Variants in RNF130 observed in about 807,000 individuals in gnomAD.
RNF130 encodes E3 ubiquitin-protein ligase RNF130.
A neutral mutation model predicts 44.6 loss-of-function variants in RNF130; 21 were observed. The observed-to-expected ratio is 0.47, with a 90% CI of 0.33 to 0.68. The LOEUF (loss-of-function observed/expected upper bound fraction) is 0.68. Ranked by LOEUF, RNF130 falls within the 30% of genes least tolerant of loss-of-function variation. The pLI is 0.02. For synonymous variants in RNF130, 214 were observed against 210.4 expected (o/e 1.02, Z -0.15); for missense variants, 479 against 560.6 (o/e 0.85, Z 1.47).
At chr5:179,990,600 C>T (rs1763058289) in intron 3 of RNF130, among the ~76,000 whole-genome samples, 3 of 152,174 alleles carry the variant, frequency 2.0e-5, no homozygotes, top group Admixed American at 1.3e-4. Context: ...GGGAGACTCC[C>T]TTTCCTGGTC....
At chr5:180,070,560 A>G (rs1765228413) in intron 1 of RNF130, among the ~76,000 whole-genome samples, 1 of 152,214 alleles carries the variant, frequency 6.6e-6, no homozygotes, top group South Asian at 2.1e-4. Context: ...AGTTTAGAAA[A>G]GAAAAATCCC....
rs1764176670 is a variant in RNF130, at chr5:180,033,389, T to C, written c.442+7064A>G. ...TAGGCTATTGAGAATGAACTCTTCT[T>C]AATTTCATTTTTGGAACGTTCATAG... On this transcript the variant is annotated intron_variant, in intron 2 of 8. Transcript: ENST00000521389. Among the ~76,000 whole-genome samples the C allele has an allele frequency of 2.6e-5, 4 of 152,250 alleles. No individual in the cohort carries two copies. In the South Asian group the frequency reaches 8.3e-4, roughly 31 times the overall value.
chr5:179,971,216 G>A (rs910534699), intron 5 of RNF130, among the ~76,000 whole-genome samples: 1 of 152,168 alleles, frequency 6.6e-6, no homozygotes, highest in African/African-American at 2.4e-5. Flanking sequence ...CGGAAGAGCT[G>A]CAGAAATTAC....
intron 3 of RNF130, among the ~76,000 whole-genome samples, chr5:180,009,660 C>T (rs1763540418): frequency 6.6e-6 from 1 of 152,202 alleles, no homozygotes; most frequent in African/African-American, 2.4e-5. Flanking sequence ...CAAAATGAGT[C>T]TAACAGTTTC....
chr5:179,956,170 T>C (rs1017926906), intron 8 of RNF130: 4 of 152,882 alleles, frequency 2.6e-5, no homozygotes, highest in African/African-American at 9.6e-5. Context: ...CTATGACCTT[T>C]TGACAAGCCC....
chr5:179,998,174 T>C (rs1404153489), intron 3 of RNF130, among the ~76,000 whole-genome samples: 1 of 152,240 alleles, frequency 6.6e-6, no homozygotes, highest in African/African-American at 2.4e-5. Context: ...GATGCTTCAT[T>C]AGATTGTTTA....
chr5:179,946,589 T>C (rs572823166), intron 7 of RNF130, among the ~76,000 whole-genome samples: 3 of 151,024 alleles, frequency 2.0e-5, no homozygotes, highest in African/African-American at 7.4e-5. Flanking sequence ...AGTCTCGCTC[T>C]GTCGCCCAGG....
At chr5:180,070,641 C>T (rs58286692) in intron 1 of RNF130, among the ~76,000 whole-genome samples, 17,408 of 152,166 alleles carry the variant, frequency 0.11, 2,187 homozygotes, top group African/African-American at 0.32. Flanking sequence ...TCAGCGTGGG[C>T]CAAAACCCAA....
chr5:179,944,884 G>T (rs1308746988), intron 7 of RNF130, among the ~76,000 whole-genome samples: 1 of 152,150 alleles, frequency 6.6e-6, no homozygotes, highest in Non-Finnish European at 1.5e-5. Flanking sequence ...CATGACAGCA[G>T]GCCCTGTTTC....
intron 1 of RNF130, among the ~76,000 whole-genome samples, chr5:180,056,253 GAA>G (rs35729589): frequency 4.9e-4 from 72 of 146,218 alleles, no homozygotes; most frequent in South Asian, 3.9e-3. Context: ...TATCTGTGGG[GAA>G]AAAAAAAAAA....
At chr5:179,959,374 T>C (rs1716043671) in intron 8 of RNF130, among the ~76,000 whole-genome samples, 1 of 152,092 alleles carries the variant, frequency 6.6e-6, no homozygotes, top group Non-Finnish European at 1.5e-5. Flanking sequence ...AAGCCTGTAA[T>C]CCCAGCACTT....
At chr5:179,984,885 G>C (rs1762919503) in intron 3 of RNF130, among the ~76,000 whole-genome samples, 1 of 152,106 alleles carries the variant, frequency 6.6e-6, no homozygotes. Flanking sequence ...AGAGCATTTT[G>C]CATTTCAGAA....
At chr5:179,955,739 G>A in intron 8 of RNF130, 70 bp from the exon 9 acceptor site, 3 of 1,298,422 alleles carry the variant, frequency 2.3e-6, no homozygotes, top group South Asian at 1.4e-5. Context: ...ACAGAGAAGT[G>A]ACCCTAACTG....
Position 179,978,000 on chromosome 5 carries a change from C to G in RNF130, c.848+203G>C, listed in dbSNP as rs890316652. Among the ~76,000 whole-genome samples the G allele has an allele frequency of 1.3e-5, 2 of 152,246 alleles. No individual in the cohort carries two copies. Among genetic ancestry groups the G allele is most frequent in the African/African-American group, 4.8e-5 (2 of 41,472 alleles). ...GCCACATCGCATATTGGCTACACCT[C>G]GGAAGGCCGTGCAGCCCGCACCTGC... is the stretch of plus-strand genomic sequence containing the variant. On this transcript the variant is annotated intron_variant, in intron 5 of 8. Coordinates refer to ENST00000521389, the MANE Select transcript of RNF130 (RefSeq NM_018434.6). This position sits in a 1 kb window ranked among gnomAD's most constrained non-coding sequence, Gnocchi z 4.1.
intron 3 of RNF130, among the ~76,000 whole-genome samples, chr5:180,004,183 A>G (rs934175955): frequency 6.6e-6 from 1 of 152,214 alleles, no homozygotes; most frequent in African/African-American, 2.4e-5. Flanking sequence ...GAGCTCTCAC[A>G]TGATTCTTTT....
chr5:180,049,559 G>A (rs1764642308), intron 1 of RNF130, among the ~76,000 whole-genome samples: 1 of 152,132 alleles, frequency 6.6e-6, no homozygotes, highest in Non-Finnish European at 1.5e-5. Flanking sequence ...AACTGTACAA[G>A]TATTACCATG....
intron 7 of RNF130, among the ~76,000 whole-genome samples, chr5:179,938,096 A>T (rs1431600681): frequency 1.3e-5 from 2 of 152,016 alleles, no homozygotes; most frequent in Non-Finnish European, 2.9e-5. Flanking sequence ...AGCTGGGACT[A>T]CAGGTACGCG....
At position 179,938,916 on chromosome 5, in the gene RNF130, A is replaced by G. The variant is rs559702855; in HGVS notation, c.1151-18490T>C. On this transcript the variant is annotated intron_variant, in intron 7 of 7. Coordinates refer to the RNF130 transcript ENST00000522208. ...TAGGGTACAATCTTGTCCTACCACTAAAGAGTCAAGGATCAAAAGTGCATA... is the reference window on the plus strand; with the variant it reads ...TAGGGTACAATCTTGTCCTACCACTGAAGAGTCAAGGATCAAAAGTGCATA... Among the ~76,000 whole-genome samples the G allele has an allele frequency of 7.6e-4, 115 of 152,262 alleles. 3 individuals are homozygous for G. The highest frequency in any genetic ancestry group is 2.6e-3 in the African/African-American group (106 of 41,568).
chr5:180,030,094 T>G (rs1764095558), intron 2 of RNF130, among the ~76,000 whole-genome samples: 2 of 152,220 alleles, frequency 1.3e-5, no homozygotes, highest in East Asian at 3.9e-4. Flanking sequence ...GTGATCCGCC[T>G]ACCTCGGCCT....
Sources: gnomAD v4.1 joint callset for allele counts (sites outside exome capture counted in the v4.1 genomes callset) on GRCh38, gnomAD v4.1.1 for gene constraint, Gnocchi (gnomAD v3.1) non-coding constraint, MANE v1.5 for transcripts, NCBI Gene and HGNC (gene_info 2026-07-23, HGNC 2026-07-21) for gene names.